The following CELF2 variants were observed in gnomAD, a reference collection of about 807,000 sequenced individuals.
The protein encoded by CELF2 is CUG triplet repeat RNA-binding protein 2.
Under a neutral mutation model 62.6 loss-of-function variants are expected in CELF2, and 8 were observed. That is an observed-to-expected ratio of 0.13 (90% CI 0.07 to 0.23). The LOEUF is 0.23. CELF2 is among the 10% of genes least tolerant of loss of function. The pLI is 1.00. For missense variants in CELF2, 333 were observed against 671.0 expected (o/e 0.50, Z 5.56); for synonymous variants, 258 against 250.0 (o/e 1.03, Z -0.30).
chr10:10,670,375 T>TA, the CELF2 span, among the ~76,000 whole-genome samples: 249 of 152,194 alleles, frequency 1.6e-3, 1 homozygote, highest in African/African-American at 5.3e-3. Context: ...CAAGTTCTGT[T>TA]AAAAAAAATT....
chr10:10,697,789 T>G, the CELF2 span, among the ~76,000 whole-genome samples: 7 of 152,120 alleles, frequency 4.6e-5, no homozygotes, highest in Non-Finnish European at 5.9e-5. Context: ...GATTAGGTTT[T>G]GGGTTTGGTT....
At chr10:10,515,181 G>A in the CELF2 span, among the ~76,000 whole-genome samples, 7 of 152,156 alleles carry the variant, frequency 4.6e-5, no homozygotes, top group South Asian at 4.1e-4. Context: ...TGGGAACACC[G>A]GACTCTACAA....
rs889486202 is a variant in CELF2 at position 10,983,926 on chromosome 10, G to A, written c.89+63927G>A. Among the ~76,000 whole-genome samples, 2 of 152,150 alleles carry A rather than the reference G, an allele frequency of 1.3e-5. No individual in the cohort carries two copies. Among genetic ancestry groups the A allele is most frequent in the African/African-American group, 4.8e-5 (2 of 41,448 alleles). ...CCTCGAGGATTTAAAAGACAGCATTGCAATTTGCATGTAACCTCTGAGTCA... is the reference window on the plus strand; with the variant it reads ...CCTCGAGGATTTAAAAGACAGCATTACAATTTGCATGTAACCTCTGAGTCA... On this transcript the variant is annotated intron_variant, in intron 2 of 13. Coordinates refer to the CELF2 transcript ENST00000636488. The surrounding 1 kb of genome is among the most constrained non-coding windows in gnomAD (Gnocchi z 5.2).
intron 2 of CELF2, among the ~76,000 whole-genome samples, chr10:10,976,083 G>C (rs1002000673): frequency 6.6e-6 from 1 of 152,202 alleles, no homozygotes; most frequent in Non-Finnish European, 1.5e-5. Flanking sequence ...TCATGGTGCT[G>C]GTGGGAGTGT....
the CELF2 span, among the ~76,000 whole-genome samples, chr10:10,523,891 A>T: frequency 9.9e-5 from 15 of 152,284 alleles, 1 homozygote; most frequent in Non-Finnish European, 1.0e-4. Context: ...TTGATCACTC[A>T]AAACAACGAG....
chr10:11,256,873 G>A (rs148464432), intron 4 of CELF2, among the ~76,000 whole-genome samples: 185 of 152,050 alleles, frequency 1.2e-3, no homozygotes, highest in African/African-American at 3.8e-3. Context: ...TTTGCGTGTC[G>A]TCCTCATGAT....
chr10:10,641,092 A>G, the CELF2 span, among the ~76,000 whole-genome samples: 6 of 152,088 alleles, frequency 3.9e-5, no homozygotes, highest in Non-Finnish European at 8.8e-5. Flanking sequence ...TAACTTACTG[A>G]CCGTTCTGGA....
Position 11,314,388 on chromosome 10 carries a change from A to G in CELF2, c.1096+130A>G. The G allele has an allele frequency of 2.4e-6, 3 of 1,247,866 alleles. No homozygotes were observed. The highest frequency in any genetic ancestry group is 3.5e-6 in the Non-Finnish European group (3 of 861,588). The allele number at this position is 1,247,866 out of a possible 1,614,324, so 77.3% of individuals were successfully genotyped here. A position where few individuals can be genotyped will look rare whatever the true frequency, so the allele number is the denominator to read the frequency against. Reference sequence around the variant, plus strand: ...GGAGAACTAAAACTTGGGATGGAGGAGCACATGCTTTGATAGGCAAAAGCT... The same window carrying G: ...GGAGAACTAAAACTTGGGATGGAGGGGCACATGCTTTGATAGGCAAAAGCT... On this transcript the variant is annotated intron_variant, in intron 10 of 12. Transcript: ENST00000633077. The surrounding 1 kb of genome is among the most constrained non-coding windows in gnomAD (Gnocchi z 5.3).
intron 2 of CELF2, among the ~76,000 whole-genome samples, chr10:10,989,281 G>T (rs573967931): frequency 2.0e-5 from 3 of 152,018 alleles, no homozygotes; most frequent in African/African-American, 7.2e-5. Context: ...CTTGAAGTTC[G>T]CTTTGAAAGG....
Position 11,079,742 on chromosome 10 carries a change from C to G in CELF2, c.74+61579C>G, listed in dbSNP as rs537389993. Among the ~76,000 whole-genome samples the G allele has an allele frequency of 5.1e-3, 277 of 54,448 alleles. 8 individuals carry two copies. The Admixed American group carries it at 0.06, about 12-fold the overall frequency. 35.7% of individuals were successfully genotyped at this position (54,448 alleles called of 152,430 possible). ...GCAGTGTGAGAATGGACTAATACAG[C>G]CCCCCCCCCCTTTTTAGGCCATGGA... is the stretch of plus-strand genomic sequence containing the variant. On this transcript the variant is annotated intron_variant, in intron 1 of 12. Transcript: ENST00000633077.
chr10:11,183,026 A>G (rs942394363), intron 2 of CELF2, among the ~76,000 whole-genome samples: 4 of 152,220 alleles, frequency 2.6e-5, no homozygotes, highest in African/African-American at 2.4e-5. Context: ...AAAATTTGAT[A>G]CATCTTAACA....
chr10:11,194,908 A>C (rs73577485), intron 2 of CELF2, among the ~76,000 whole-genome samples: 262 of 152,338 alleles, frequency 1.7e-3, no homozygotes, highest in African/African-American at 6.0e-3. Context: ...TTGTTGGACA[A>C]GCCAGGATCT....
the CELF2 span, among the ~76,000 whole-genome samples, chr10:10,559,872 T>C: frequency 6.6e-6 from 1 of 152,152 alleles, no homozygotes; most frequent in Non-Finnish European, 1.5e-5. Context: ...ACTAAGCAGC[T>C]CTAGGAGTAT....
chr10:10,788,549 A>G, the CELF2 span, among the ~76,000 whole-genome samples: 1 of 125,844 alleles, frequency 7.9e-6, no homozygotes, highest in East Asian at 2.5e-4. Flanking sequence ...TGCAACCTCC[A>G]CCTCCCAGAT....
At chr10:10,905,191 T>C (rs983649881) in intron 1 of CELF2, among the ~76,000 whole-genome samples, 7 of 152,244 alleles carry the variant, frequency 4.6e-5, no homozygotes, top group Non-Finnish European at 8.8e-5. Context: ...TAAAACATAC[T>C]ACGTAATAAT....
chr10:11,285,351 G>A lies in CELF2; in HGVS notation c.842-3067G>A, dbSNP rs997421879. 6.6e-6 allele frequency among the ~76,000 whole-genome samples: 1 copy of A among 152,072 alleles called. No individual in the cohort carries two copies. Among genetic ancestry groups the A allele is most frequent in the African/African-American group, 2.4e-5 (1 of 41,360 alleles). ...CTGGCTGTTGAGCAGTGTTAGCTAT[G>A]CCCCCGTGTGGTGCCTCAGAGACTC... On this transcript the variant is annotated intron_variant, in intron 8 of 12. Coordinates refer to ENST00000633077, the MANE Select transcript of CELF2 (RefSeq NM_001326342.2). The surrounding 1 kb of genome is among the most constrained non-coding windows in gnomAD (Gnocchi z 4.3).
intron 9 of CELF2, among the ~76,000 whole-genome samples, chr10:11,310,824 C>A (rs1250682457): frequency 6.7e-6 from 1 of 150,200 alleles, no homozygotes; most frequent in African/African-American, 2.5e-5. Flanking sequence ...CCGGGAAAAA[C>A]CCTAAAATGT....
intron 2 of CELF2, among the ~76,000 whole-genome samples, chr10:10,982,981 A>T (rs1229963533): frequency 1.3e-5 from 2 of 151,870 alleles, no homozygotes; most frequent in African/African-American, 4.8e-5. Context: ...GTCAAAAAGG[A>T]TGTTGTCAAG....
chr10:10,674,689 CT>C, the CELF2 span, among the ~76,000 whole-genome samples: 11 of 152,040 alleles, frequency 7.2e-5, no homozygotes, highest in African/African-American at 2.2e-4. Context: ...ATTAGTTATA[CT>C]TTTTTTCTTA....
Sources: allele counts gnomAD v4.1 joint callset (sites outside exome capture counted in the v4.1 genomes callset), GRCh38; gene constraint gnomAD v4.1.1; non-coding constraint Gnocchi (gnomAD v3.1); transcripts MANE v1.5; gene names NCBI Gene and HGNC (gene_info 2026-07-23, HGNC 2026-07-21).